The following CAMK1D variants were observed in gnomAD, a reference collection of about 807,000 sequenced individuals.
CAMK1D encodes the protein calcium/calmodulin-dependent protein kinase type 1D.
A neutral mutation model predicts 47.7 loss-of-function variants in CAMK1D; 9 were observed. The observed-to-expected ratio is 0.19, with a 90% confidence interval of 0.11 to 0.33. The LOEUF is 0.33. Among genes scored for constraint, CAMK1D ranks in the 10% least tolerant of loss-of-function variants. CAMK1D has a pLI of 1.00. For missense variants in CAMK1D, 291 were observed against 488.7 expected (o/e 0.60, Z 3.81); for synonymous variants, 184 against 184.9 (o/e 0.99, Z 0.04).
chr10:12,497,806 T>C (rs1834587175), intron 1 of CAMK1D, among the ~76,000 whole-genome samples: 1 of 152,140 alleles, frequency 6.6e-6, no homozygotes, highest in Non-Finnish European at 1.5e-5. Context: ...CAGGAAGATA[T>C]TTATTTGGGT....
rs1455176979 is a variant in CAMK1D at position 12,824,454 on chromosome 10, C to T, written c.834-11C>T. 1 of 1,613,332 alleles carries T rather than the reference C, an allele frequency of 6.2e-7. No individual in the cohort carries two copies. ...AAGCACTTCAGAGCAGCACCTTTGC[C>T]TCTGTTTCAGGATCGCTGGTGACAC... On this transcript the variant is annotated splice_polypyrimidine_tract_variant and intron_variant, in intron 8 of 10. Transcript: ENST00000619168.
At chr10:12,492,164 T>C (rs1571205) in intron 1 of CAMK1D, among the ~76,000 whole-genome samples, 112,370 of 151,830 alleles carry the variant, frequency 0.74, 41,972 homozygotes, top group East Asian at 0.97. Flanking sequence ...CAGTGGGAAG[T>C]GCCTACTGTG....
chr10:12,623,059 C>CCCTT (rs1839050481), intron 2 of CAMK1D, among the ~76,000 whole-genome samples: 1 of 128,664 alleles, frequency 7.8e-6, no homozygotes, highest in African/African-American at 3.0e-5. Context: ...CTCCCTCCCT[C>CCCTT]CCTCCCTTCC....
At chr10:12,527,506 C>T (rs1249564936) in intron 1 of CAMK1D, among the ~76,000 whole-genome samples, 1 of 152,006 alleles carries the variant, frequency 6.6e-6, no homozygotes, top group African/African-American at 2.4e-5. Context: ...AGGCATGCGC[C>T]ACCACGCCCG....
intron 1 of CAMK1D, among the ~76,000 whole-genome samples, chr10:12,350,146 C>G (rs529257346): frequency 1.8e-4 from 27 of 152,230 alleles, no homozygotes; most frequent in Non-Finnish European, 3.7e-4. Flanking sequence ...TGTCAGGGAG[C>G]AGCCCACGCG....
intron 3 of CAMK1D, among the ~76,000 whole-genome samples, chr10:12,700,249 G>A (rs572039747): frequency 3.3e-5 from 5 of 152,284 alleles, no homozygotes; most frequent in African/African-American, 1.2e-4. Context: ...AAGAGGTTTA[G>A]TTGACTCCCA....
At chr10:12,608,412 C>G (rs750759876) in intron 2 of CAMK1D, among the ~76,000 whole-genome samples, 1 of 152,174 alleles carries the variant, frequency 6.6e-6, no homozygotes, top group Non-Finnish European at 1.5e-5. Flanking sequence ...GAGTGAAACT[C>G]TGTCTCAAAA....
intron 3 of CAMK1D, among the ~76,000 whole-genome samples, chr10:12,679,639 G>A (rs535774150): frequency 5.3e-5 from 8 of 152,328 alleles, no homozygotes; most frequent in African/African-American, 1.9e-4. Context: ...CCCTGCAAGT[G>A]CAGTGTATCC....
chr10:12,468,393 T>C (rs1020356959), intron 1 of CAMK1D, among the ~76,000 whole-genome samples: 21 of 152,126 alleles, frequency 1.4e-4, no homozygotes, highest in Non-Finnish European at 2.9e-5. Flanking sequence ...AATTTTAAAG[T>C]GGTGAAGTAT....
intron 3 of CAMK1D, among the ~76,000 whole-genome samples, chr10:12,743,309 C>T (rs1394995691): frequency 1.4e-5 from 2 of 145,482 alleles, no homozygotes; most frequent in Non-Finnish European, 1.5e-5. Flanking sequence ...ATTGTGCCAC[C>T]GTCCTCCAGC....
chr10:12,772,594 T>A (rs1381723172), intron 5 of CAMK1D, among the ~76,000 whole-genome samples: 1 of 152,230 alleles, frequency 6.6e-6, no homozygotes. Context: ...TCTAAGTGGC[T>A]GCCATCTGCG....
chr10:12,403,259 C>G (rs1024722098), intron 1 of CAMK1D, among the ~76,000 whole-genome samples: 1 of 152,214 alleles, frequency 6.6e-6, no homozygotes, highest in South Asian at 2.1e-4. Context: ...CATCCGCTTG[C>G]CAGCTTGTGT....
rs1178582752 is a variant in CAMK1D, at chr10:12,421,284, T to C, written c.92+71374T>C. On this transcript the variant is annotated intron_variant, in intron 1 of 10. Coordinates refer to ENST00000619168, the MANE Select transcript of CAMK1D (RefSeq NM_153498.4). ...ACTGTGCAGAGAAAAATCCTATGAA[T>C]AAAGCATCTAGTTTCTACGGTTAAT... is the stretch of plus-strand genomic sequence containing the variant. Among the ~76,000 whole-genome samples, 6 of 152,146 alleles carry C rather than the reference T, an allele frequency of 3.9e-5. No individual in the cohort carries two copies. The East Asian group carries it at 1.2e-3, about 29-fold the overall frequency.
intron 5 of CAMK1D, among the ~76,000 whole-genome samples, chr10:12,777,295 G>A (rs1021428871): frequency 3.3e-5 from 5 of 151,078 alleles, no homozygotes; most frequent in Admixed American, 3.3e-4. Flanking sequence ...TGGAGAAAGT[G>A]CTTCACATAG....
chr10:12,726,574 C>T (rs575886584), intron 3 of CAMK1D, among the ~76,000 whole-genome samples: 6 of 152,292 alleles, frequency 3.9e-5, no homozygotes, highest in African/African-American at 9.6e-5. Context: ...ACAGAAGCCA[C>T]GACCAGGACA....
chr10:12,730,001 G>C (rs1182274525), intron 3 of CAMK1D, among the ~76,000 whole-genome samples: 1 of 152,152 alleles, frequency 6.6e-6, no homozygotes, highest in African/African-American at 2.4e-5. Context: ...ATGCAGAGCC[G>C]CTGGGAGATT....
intron 5 of CAMK1D, among the ~76,000 whole-genome samples, chr10:12,771,015 C>T (rs1244208968): frequency 1.3e-5 from 2 of 152,044 alleles, no homozygotes; most frequent in African/African-American, 2.4e-5. Flanking sequence ...CTGCAACCTC[C>T]GCTTCCTGGA....
intron 1 of CAMK1D, among the ~76,000 whole-genome samples, chr10:12,525,854 T>G (rs1835604319): frequency 6.6e-6 from 1 of 152,166 alleles, no homozygotes. Context: ...ACCTCTCAGG[T>G]TCAGGCAATT....
At chr10:12,428,481 C>T (rs1446311860) in intron 1 of CAMK1D, among the ~76,000 whole-genome samples, 1 of 152,174 alleles carries the variant, frequency 6.6e-6, no homozygotes, top group African/African-American at 2.4e-5. Flanking sequence ...TCTCTCTCTG[C>T]TAATACCACC....
Sources: allele counts gnomAD v4.1 joint callset (sites outside exome capture counted in the v4.1 genomes callset), GRCh38; gene constraint gnomAD v4.1.1; transcripts MANE v1.5; gene names NCBI Gene and HGNC (gene_info 2026-07-23, HGNC 2026-07-21).